The following MACROD2 variants were observed in gnomAD, a reference collection of about 807,000 sequenced individuals.
MACROD2 encodes ADP-ribose glycohydrolase MACROD2.
A neutral mutation model predicts 70.4 loss-of-function variants in MACROD2; 36 were observed. The observed-to-expected ratio is 0.51, with a 90% CI of 0.39 to 0.68. The LOEUF (loss-of-function observed/expected upper bound fraction) is 0.68. Among genes scored for constraint, MACROD2 ranks in the 30% least tolerant of loss-of-function variants. The pLI is 0.00. For missense variants in MACROD2, 496 were observed against 538.4 expected (o/e 0.92, Z 0.78); for synonymous variants, 172 against 178.8 (o/e 0.96, Z 0.30).
intron 6 of MACROD2, among the ~76,000 whole-genome samples, chr20:15,380,669 T>C (rs992968691): frequency 6.6e-6 from 1 of 152,150 alleles, no homozygotes; most frequent in African/African-American, 2.4e-5. Context: ...TTTGATAACA[T>C]TATATTGTGC....
At chr20:15,741,595 C>T (rs1436217197) in intron 8 of MACROD2, among the ~76,000 whole-genome samples, 1 of 152,046 alleles carries the variant, frequency 6.6e-6, no homozygotes, top group African/African-American at 2.4e-5. Flanking sequence ...GTTCAGATGA[C>T]ACATTTTAAG....
intron 3 of MACROD2, among the ~76,000 whole-genome samples, chr20:14,098,781 T>A (rs1193424603): frequency 1.3e-5 from 2 of 152,194 alleles, no homozygotes; most frequent in Non-Finnish European, 2.9e-5. Context: ...ACTACTTGAT[T>A]CAGTTTGAAA....
chr20:14,285,227 G>A (rs1026522428), intron 3 of MACROD2, among the ~76,000 whole-genome samples: 2 of 152,196 alleles, frequency 1.3e-5, no homozygotes, highest in Non-Finnish European at 2.9e-5. Context: ...TCTTGGGGAT[G>A]AGACCCAAGT....
At chr20:16,044,661 G>T in intron 17 of MACROD2, 22 bp downstream of exon 17, 1 of 1,592,028 alleles carries the variant, frequency 6.3e-7, no homozygotes, top group South Asian at 1.1e-5. Context: ...CTTGTGGTGA[G>T]ATTTTCAATG....
At chr20:14,132,864 C>T (rs553354838) in intron 3 of MACROD2, among the ~76,000 whole-genome samples, 2 of 152,282 alleles carry the variant, frequency 1.3e-5, no homozygotes, top group South Asian at 2.1e-4. Context: ...TGGTCTCGAA[C>T]TCCTGGTTTC....
chr20:15,114,943 G>A (rs1209596714), intron 5 of MACROD2, among the ~76,000 whole-genome samples: 3 of 152,142 alleles, frequency 2.0e-5, no homozygotes, highest in Non-Finnish European at 4.4e-5. Context: ...AAAAGAGGCT[G>A]TATGTGTTTG....
chr20:14,620,481 G>C (rs1372802635), intron 4 of MACROD2, among the ~76,000 whole-genome samples: 1 of 151,724 alleles, frequency 6.6e-6, no homozygotes, highest in Non-Finnish European at 1.5e-5. Flanking sequence ...ATTTCCAAAA[G>C]TTAAAAAAAA....
chr20:15,741,251 C>T (rs928578647), intron 8 of MACROD2, among the ~76,000 whole-genome samples: 1 of 146,730 alleles, frequency 6.8e-6, no homozygotes, highest in East Asian at 2.0e-4. Flanking sequence ...ACCACCACAC[C>T]CGGCTAATTT....
chr20:14,453,801 C>T (rs2084270487), intron 3 of MACROD2, among the ~76,000 whole-genome samples: 1 of 151,962 alleles, frequency 6.6e-6, no homozygotes, highest in African/African-American at 2.4e-5. Context: ...ATTAAAAATA[C>T]ATTTATAGCC....
At chr20:14,501,796 C>T (rs1371784490) in intron 4 of MACROD2, among the ~76,000 whole-genome samples, 3 of 152,034 alleles carry the variant, frequency 2.0e-5, no homozygotes, top group African/African-American at 7.2e-5. Context: ...GGTAAAAATT[C>T]TAGGCTCTTA....
intron 4 of MACROD2, among the ~76,000 whole-genome samples, chr20:14,584,143 C>T (rs980024763): frequency 6.6e-6 from 1 of 152,062 alleles, no homozygotes; most frequent in Non-Finnish European, 1.5e-5. Flanking sequence ...CTTTCCTATC[C>T]AGGAAACTCA....
intron 8 of MACROD2, among the ~76,000 whole-genome samples, chr20:15,786,552 T>A (rs1443260225): frequency 6.6e-6 from 1 of 152,174 alleles, no homozygotes; most frequent in Non-Finnish European, 1.5e-5. Flanking sequence ...AAGAAAATTA[T>A]AACAGAATAA....
intron 10 of MACROD2, among the ~76,000 whole-genome samples, chr20:15,923,995 G>A (rs1013621240): frequency 6.6e-6 from 1 of 152,190 alleles, no homozygotes; most frequent in African/African-American, 2.4e-5. Flanking sequence ...AGTCAGCTTT[G>A]GGGTGGTTGT....
chr20:14,258,374 T>G (rs6042622), intron 3 of MACROD2, among the ~76,000 whole-genome samples: 2 of 152,194 alleles, frequency 1.3e-5, no homozygotes, highest in Non-Finnish European at 2.9e-5. Flanking sequence ...CACCACATCC[T>G]TGCCAACATC....
chr20:15,644,513 G>A (rs540605928), intron 8 of MACROD2, among the ~76,000 whole-genome samples: 1 of 152,192 alleles, frequency 6.6e-6, no homozygotes, highest in South Asian at 2.1e-4. Context: ...TGTCTTAACA[G>A]TACTAATGAC....
At chr20:14,966,731 C>T (rs1449078470) in intron 5 of MACROD2, among the ~76,000 whole-genome samples, 1 of 151,644 alleles carries the variant, frequency 6.6e-6, no homozygotes, top group Non-Finnish European at 1.5e-5. Context: ...TAGACTCTTG[C>T]TCAACAAGAC....
At chr20:15,813,963 T>C (rs1403174423) in intron 8 of MACROD2, among the ~76,000 whole-genome samples, 3 of 152,222 alleles carry the variant, frequency 2.0e-5, no homozygotes, top group South Asian at 2.1e-4. Context: ...TTTGGAAATA[T>C]ATTGTAAAGT....
chr20:15,418,767 C>G (rs148487870), intron 6 of MACROD2, among the ~76,000 whole-genome samples: 23 of 152,268 alleles, frequency 1.5e-4, no homozygotes, highest in African/African-American at 5.5e-4. Flanking sequence ...CTTAAGGGGC[C>G]TCTCACTGAA....
At chr20:15,812,942 T>G (rs1471399803) in intron 8 of MACROD2, among the ~76,000 whole-genome samples, 1 of 152,190 alleles carries the variant, frequency 6.6e-6, no homozygotes, top group African/African-American at 2.4e-5. Flanking sequence ...ATATTAATCA[T>G]AGTGATGTTT....
Sources: allele counts gnomAD v4.1 joint callset (sites outside exome capture counted in the v4.1 genomes callset), GRCh38; gene constraint gnomAD v4.1.1; transcripts MANE v1.5; gene names NCBI Gene and HGNC (gene_info 2026-07-23, HGNC 2026-07-21).